The following MGRN1 variants were observed in gnomAD, a reference collection of about 807,000 sequenced individuals.
MGRN1 encodes E3 ubiquitin-protein ligase MGRN1.
MGRN1 carries 29 observed loss-of-function variants against 69.2 expected under a neutral mutation model. That is an observed-to-expected ratio of 0.42 (90% CI 0.31 to 0.57). The LOEUF (loss-of-function observed/expected upper bound fraction) is 0.57. Ranked by LOEUF, MGRN1 falls within the 20% of genes least tolerant of loss-of-function variation. MGRN1 has a pLI of 0.15. For synonymous variants in MGRN1, 470 were observed against 344.2 expected, an observed-to-expected ratio of 1.37 and a Z score of -4.04; for missense variants, 998 against 796.2, an observed-to-expected ratio of 1.25 and a Z score of -3.05.
intron 12 of MGRN1, 190 bp downstream of exon 12, chr16:4,680,287 A>T: frequency 1.7e-6 from 1 of 591,604 alleles, no homozygotes; most frequent in Non-Finnish European, 2.9e-6. Flanking sequence ...TCCGTGGGCG[A>T]AACGCCAGGT....
intron 5 of MGRN1, among the ~76,000 whole-genome samples, chr16:4,662,515 CAAAAAAAAA>C (rs752715716): frequency 7.5e-6 from 1 of 132,546 alleles, no homozygotes; most frequent in African/African-American, 2.8e-5. Context: ...GACTCTGTCT[CAAAAAAAAA>C]AAAAAATCAT....
At position 4,681,740 on chromosome 16, in the gene MGRN1, G is replaced by A. The variant is rs764157399; in HGVS notation, c.1322G>A (p.Arg441His). 6.8e-6 allele frequency: 11 copies of A among 1,612,542 alleles called. No individual in the cohort carries two copies. Among genetic ancestry groups the A allele is most frequent in the Middle Eastern group, 1.7e-4 (1 of 6,048 alleles). The change falls in exon 13 of 17, where the codon CGC (arginine) becomes CAC (histidine). Residue 441 changes from arginine to histidine, a missense_variant. By Grantham distance (29) the Arg-to-His change is conservative. Coordinates refer to ENST00000262370, the MANE Select transcript of MGRN1 (RefSeq NM_015246.4). ...ATCGACCACATCCTGGACAGCAGCC[G>A]CCAGAAGGGCAGGCCGCAGAGCAAG... ...AAIDHILDSS[R>H]QKGRPQSKAP... is the part of the protein sequence containing the mutation.
At chr16:4,653,313 G>A (rs1231498372) in intron 4 of MGRN1, among the ~76,000 whole-genome samples, 3 of 152,102 alleles carry the variant, frequency 2.0e-5, no homozygotes, top group East Asian at 1.9e-4. Flanking sequence ...GGGGTGGGGC[G>A]CACCACCTTC....
intron 16 of MGRN1, among the ~76,000 whole-genome samples, chr16:4,685,811 C>G (rs188365255): frequency 6.6e-6 from 1 of 152,346 alleles, no homozygotes; most frequent in Non-Finnish European, 1.5e-5. Context: ...AGGGGTGCAG[C>G]CGCTGCCTGG....
chr16:4,659,648 G>T (rs976137714), intron 5 of MGRN1, among the ~76,000 whole-genome samples: 1 of 152,274 alleles, frequency 6.6e-6, no homozygotes, highest in African/African-American at 2.4e-5. Flanking sequence ...GTGCTGGCTC[G>T]TCTGTGGATG....
intron 11 of MGRN1, among the ~76,000 whole-genome samples, chr16:4,678,148 G>C (rs1344768698): frequency 6.6e-6 from 1 of 152,278 alleles, no homozygotes; most frequent in East Asian, 1.9e-4. Flanking sequence ...CCTCCACCCC[G>C]TGGTTCTTAG....
rs189249883 is a variant in MGRN1 at position 4,667,441 on chromosome 16, C to T, written c.679-824C>T. Among the ~76,000 whole-genome samples, 268 of 152,352 alleles carry T rather than the reference C, an allele frequency of 1.8e-3. 1 individual carries two copies. The highest frequency in any genetic ancestry group is 6.1e-3 in the African/African-American group (252 of 41,590). ...TACTGGGCTCCCCAGCTGCTCTCCC[C>T]GGCCCGGACTCGTCAGAAGCCACGG... On this transcript the variant is annotated intron_variant, in intron 7 of 16. Transcript: ENST00000262370.
intron 1 of MGRN1, among the ~76,000 whole-genome samples, chr16:4,632,007 C>CTTTT (rs869090061): frequency 0.02 from 1,320 of 64,880 alleles, 196 homozygotes; most frequent in African/African-American, 0.085. Context: ...AAAAAATTTC[C>CTTTT]TTTTTTTTTT....
rs748725957 is a variant in MGRN1, at chr16:4,651,947, G to T, written c.208-16G>T. The T allele has an allele frequency of 6.2e-7, 1 of 1,613,456 alleles. No individual in the cohort carries two copies. Among genetic ancestry groups the T allele is most frequent in the Admixed American group, 1.7e-5 (1 of 60,004 alleles). ...TCCTGAGGGAGTCACCTGGGGCCCT[G>T]TGGTTTTTCTCCTAGTTTCCCTACG... On this transcript the variant is annotated splice_polypyrimidine_tract_variant and intron_variant, in intron 2 of 16. Transcript: ENST00000262370.
intron 1 of MGRN1, among the ~76,000 whole-genome samples, chr16:4,647,508 C>A (rs541287010): frequency 1.3e-5 from 2 of 152,302 alleles, no homozygotes; most frequent in Admixed American, 1.3e-4. Context: ...TTGCTCCACC[C>A]CTCGTCTGCT....
At chr16:4,687,700 C>G (rs757552265) in intron 16 of MGRN1, 1 of 985,428 alleles carries the variant, frequency 1.0e-6, no homozygotes, top group African/African-American at 1.7e-5. Flanking sequence ...TCTTGGCACA[C>G]AAGCTGCGTG....
At chr16:4,634,425 C>T (rs1027194015) in intron 1 of MGRN1, 2 of 152,716 alleles carry the variant, frequency 1.3e-5, no homozygotes, top group Non-Finnish European at 2.9e-5. Flanking sequence ...CCGACATTGC[C>T]TGGCTTTCCC....
chr16:4,688,844 C>T lies in MGRN1; in HGVS notation c.1667C>T (p.Pro556Leu). ...GCCCACGGCCTCGCCACCACCAGCC[C>T]CACCTGGCCTCCACTTGGTGGCCCC... ...ETAHGLATTSPTWPPLGGPSP... is the reference protein window; with the variant it reads ...ETAHGLATTSLTWPPLGGPSP... The change falls in exon 17 of 17, where the codon CCC becomes CTC. Residue 556 changes from proline to leucine, a missense_variant. By Grantham distance (98) the Pro-to-Leu change is moderately conservative. Coordinates refer to ENST00000262370, the MANE Select transcript of MGRN1 (RefSeq NM_015246.4). The T allele has an allele frequency of 1.3e-6, 2 of 1,555,216 alleles. No individual in the cohort carries two copies. Among genetic ancestry groups the T allele is most frequent in the Non-Finnish European group, 1.7e-6 (2 of 1,149,076 alleles).
intron 4 of MGRN1, among the ~76,000 whole-genome samples, chr16:4,656,701 T>C (rs888916762): frequency 2.0e-5 from 3 of 152,056 alleles, no homozygotes; most frequent in Admixed American, 6.6e-5. Flanking sequence ...GCCAACATGG[T>C]GAAACCCCAT....
intron 1 of MGRN1, chr16:4,640,186 G>A (rs28731058): frequency 1.3e-5 from 2 of 152,250 alleles, no homozygotes; most frequent in Admixed American, 6.5e-5. Context: ...GACACAAGAC[G>A]GGCCCAGAAG....
chr16:4,679,868 C>G (rs922981397), intron 11 of MGRN1, among the ~76,000 whole-genome samples, 164 bp from the exon 12 acceptor site: 1 of 152,190 alleles, frequency 6.6e-6, no homozygotes, highest in Non-Finnish European at 1.5e-5. Context: ...CACCCAGACC[C>G]GAGTCAACCC....
Position 4,652,711 on chromosome 16 carries a change from C to T in MGRN1, c.330C>T (p.Asp110=), listed in dbSNP as rs778457297. Reference sequence around the variant, plus strand: ...ACGATGCCGACAGCCCCACCGAGGACGGCGACAAGCCCCGGGTGCTCTACA... The same window carrying T: ...ACGATGCCGACAGCCCCACCGAGGATGGCGACAAGCCCCGGGTGCTCTACA... ...YKDDADSPTE[D]GDKPRVLYSL... Residue 110 remains aspartate, a synonymous_variant, in exon 4 of 17, where the codon GAC becomes GAT. Coordinates refer to ENST00000262370, the MANE Select transcript of MGRN1 (RefSeq NM_015246.4). 9.4e-5 allele frequency: 151 copies of T among 1,612,640 alleles called. No homozygotes were observed. The highest frequency in any genetic ancestry group is 9.7e-5 in the Non-Finnish European group (114 of 1,179,380).
At chr16:4,688,683 G>A (rs968796681) in intron 16 of MGRN1, 113 bp from the exon 17 acceptor site, 15 of 1,447,860 alleles carry the variant, frequency 1.0e-5, no homozygotes, top group African/African-American at 7.2e-5. Context: ...CACAGGCGGC[G>A]GGAGTGGGGG....
In MGRN1 at chr16:4,680,063, C is replaced by T. The variant is rs1233895992; in HGVS notation, c.1097C>T (p.Ala366Val). ...TTTAAAAAATCAAAGCCGCACCCCG[C>T]CTCCCTGGCCAGCAAGAAACCTAAA... ...CPFKKSKPHP[A>V]SLASKKPKRE... The change falls in exon 12 of 17, where the codon GCC (alanine) becomes GTC (valine). Residue 366 changes from alanine (A) to valine (V), a missense_variant. Coordinates refer to ENST00000262370, the MANE Select transcript of MGRN1 (RefSeq NM_015246.4). The T allele has an allele frequency of 6.2e-7, 1 of 1,614,012 alleles. No individual in the cohort carries two copies. Among genetic ancestry groups the T allele is most frequent in the Non-Finnish European group, 8.5e-7 (1 of 1,179,982 alleles).
Sources: gnomAD v4.1 joint callset for allele counts (sites outside exome capture counted in the v4.1 genomes callset) on GRCh38, gnomAD v4.1.1 for gene constraint, MANE v1.5 for transcripts, NCBI Gene and HGNC (gene_info 2026-07-23, HGNC 2026-07-21) for gene names.